ABHD12: variants seen among roughly 807,000 people sequenced by gnomAD.
ABHD12 encodes the protein lysophosphatidylserine lipase ABHD12.
A neutral mutation model predicts 58.3 loss-of-function variants in ABHD12; 43 were observed. The ratio of observed to expected loss-of-function variants is 0.74; its 90% CI spans 0.58 to 0.95. The LOEUF is 0.95. Among genes scored for constraint, ABHD12 ranks in the 40% least tolerant of loss-of-function variants. The probability of loss-of-function intolerance (pLI) is 0.00; values close to 1 mark genes in which losing one functional copy is unlikely to be tolerated. For synonymous variants in ABHD12, 219 were observed against 211.2 expected (o/e 1.04, Z -0.32); for missense variants, 539 against 537.2 (o/e 1.00, Z -0.03).
rs1301387770 is a variant in ABHD12 at position 25,385,361 on chromosome 20, A to AAACGGAG, written c.191+5145_191+5151dup. On this transcript the variant is annotated intron_variant, in intron 1 of 12. Transcript: ENST00000339157. Reference sequence around the variant, plus strand: ...AAAAAAAAAAAAAAAAAAAAGAGGAAAACGGAGGAAAAACCCTAATTACAA... The same window carrying AAACGGAG: ...AAAAAAAAAAAAAAAAAAAAGAGGAAAACGGAGAACGGAGGAAAAACCCTAATTACAA... Among the ~76,000 whole-genome samples, 11 of 151,686 alleles carry AAACGGAG rather than the reference A, an allele frequency of 7.3e-5. No homozygotes were observed. In the East Asian group the frequency reaches 2.1e-3, roughly 29 times the overall value.
intron 10 of ABHD12, among the ~76,000 whole-genome samples, chr20:25,305,870 A>AT (rs1217395647): frequency 6.6e-6 from 1 of 152,194 alleles, no homozygotes; most frequent in Non-Finnish European, 1.5e-5. Context: ...TCATTTTCTG[A>AT]TTAAGTCAGT....
chr20:25,323,478 C>T, intron 2 of ABHD12, 48 bp from the exon 3 acceptor site: 1 of 1,114,442 alleles, frequency 9.0e-7, no homozygotes. Context: ...TGGATGAATA[C>T]ACACATGTAC....
chr20:25,359,610 C>T (rs575420568), intron 1 of ABHD12, among the ~76,000 whole-genome samples: 1 of 152,034 alleles, frequency 6.6e-6, no homozygotes, highest in East Asian at 1.9e-4. Flanking sequence ...TGCTCTGTCG[C>T]CCAGACTGGA....
intron 5 of ABHD12, among the ~76,000 whole-genome samples, chr20:25,316,487 G>C (rs1306202110): frequency 2.6e-5 from 4 of 152,126 alleles, no homozygotes; most frequent in South Asian, 2.1e-4. Flanking sequence ...CACAAGTAAC[G>C]TAACATTGAA....
intron 2 of ABHD12, 136 bp from the exon 3 acceptor site, chr20:25,323,566 C>T (rs754765628): frequency 1.4e-6 from 1 of 704,894 alleles, no homozygotes; most frequent in Non-Finnish European, 2.6e-6. Context: ...CCCACATGCA[C>T]ACACTGCAGA....
At chr20:25,352,879 T>C (rs982342784) in intron 1 of ABHD12, among the ~76,000 whole-genome samples, 52 of 152,090 alleles carry the variant, frequency 3.4e-4, no homozygotes, top group Non-Finnish European at 2.5e-4. Flanking sequence ...CCAGGTGTCT[T>C]AATTTAAAAA....
rs1042844421 is a variant in ABHD12, at chr20:25,390,530, C to T, written c.174G>A (p.Met58Ile). 1 of 1,449,694 alleles carries T rather than the reference C, an allele frequency of 6.9e-7. No individual in the cohort carries two copies. The highest frequency in any genetic ancestry group is 9.1e-7 in the Non-Finnish European group (1 of 1,103,868). The allele number at this position is 1,449,694 out of a possible 1,614,324, so 89.8% of individuals were successfully genotyped here. A position where few individuals can be genotyped will look rare whatever the true frequency, so the allele number is the denominator to read the frequency against. ...AEPRCAADAG[M>I]KRALGRRKGV... ...AGCCTCACCTGCCCAGCGCCCGCTT[C>T]ATTCCCGCGTCGGCTGCGCAGCGCG... is the stretch of plus-strand genomic sequence containing the variant. Residue 58 changes from methionine to isoleucine, a missense_variant, in exon 1 of 13, where the codon ATG becomes ATA. Transcript: ENST00000339157.
rs145111257 is a variant in ABHD12, at chr20:25,365,161, T to C, written c.191+25352A>G. Among the ~76,000 whole-genome samples, 264 of 152,378 alleles carry C rather than the reference T, an allele frequency of 1.7e-3. 3 individuals are homozygous for C. Among genetic ancestry groups the C allele is most frequent in the African/African-American group, 5.8e-3 (243 of 41,594 alleles). ...CTCATTTTTGTTTCTAGCTTAACAA[T>C]AGCTTTTTTGAAAAAGGTCATATGT... On this transcript the variant is annotated intron_variant, in intron 1 of 12. Coordinates refer to ENST00000339157, the MANE Select transcript of ABHD12 (RefSeq NM_001042472.3).
intron 6 of ABHD12, among the ~76,000 whole-genome samples, chr20:25,310,969 A>G (rs1016859886): frequency 6.6e-6 from 1 of 152,198 alleles, no homozygotes; most frequent in African/African-American, 2.4e-5. Flanking sequence ...TCCCTCTCCT[A>G]AGGTCTCTAG....
intron 1 of ABHD12, among the ~76,000 whole-genome samples, chr20:25,356,330 G>T (rs1185940865): frequency 6.6e-6 from 1 of 152,232 alleles, no homozygotes; most frequent in Admixed American, 6.5e-5. Flanking sequence ...CCTGCAAGAG[G>T]CTTTTCTATC....
intron 9 of ABHD12, among the ~76,000 whole-genome samples, chr20:25,307,396 A>C (rs548608844): frequency 6.6e-6 from 1 of 152,362 alleles, no homozygotes; most frequent in South Asian, 2.1e-4. Flanking sequence ...AGGCCCGAGA[A>C]TCCATGGCCA....
At chr20:25,344,003 G>A (rs2089487336) in intron 1 of ABHD12, among the ~76,000 whole-genome samples, 1 of 151,890 alleles carries the variant, frequency 6.6e-6, no homozygotes, top group South Asian at 2.1e-4. Context: ...ACATCAACAG[G>A]CTAAAAAAGA....
intron 1 of ABHD12, chr20:25,390,100 G>A: frequency 6.3e-6 from 1 of 158,854 alleles, no homozygotes; most frequent in Non-Finnish European, 1.4e-5. Flanking sequence ...TCCCGCCTCT[G>A]CTGTGCCTGG....
At chr20:25,390,474 C>CGGG in intron 1 of ABHD12, 39 bp downstream of exon 1, 3 of 1,079,070 alleles carry the variant, frequency 2.8e-6, no homozygotes, top group Non-Finnish European at 3.4e-6. Context: ...AAGTGAGGGA[C>CGGG]CGGCCCCCCC....
intron 1 of ABHD12, among the ~76,000 whole-genome samples, chr20:25,352,703 T>C (rs2089617543): frequency 6.6e-6 from 1 of 152,204 alleles, no homozygotes; most frequent in African/African-American, 2.4e-5. Flanking sequence ...CTATTTATTG[T>C]ACATATCTAT....
intron 1 of ABHD12, among the ~76,000 whole-genome samples, chr20:25,356,325 A>C (rs1239313714): frequency 3.9e-5 from 6 of 152,250 alleles, no homozygotes; most frequent in African/African-American, 1.2e-4. Context: ...CAGTGCCTGC[A>C]AGAGGCTTTT....
chr20:25,383,496 A>G (rs1049897901), intron 1 of ABHD12, among the ~76,000 whole-genome samples: 1 of 152,144 alleles, frequency 6.6e-6, no homozygotes, highest in Non-Finnish European at 1.5e-5. Flanking sequence ...CACATTCCCA[A>G]CAATTCCAGG....
chr20:25,330,961 G>A lies in ABHD12; in HGVS notation c.317-7531C>T, dbSNP rs367921996. On this transcript the variant is annotated intron_variant, in intron 2 of 12. Transcript: ENST00000339157. ...CACCAGCAACGGAACAAAGCTGGACGGAGAATGACTTTGACTAGCTGAGAG... is the reference window on the plus strand; with the variant it reads ...CACCAGCAACGGAACAAAGCTGGACAGAGAATGACTTTGACTAGCTGAGAG... Among the ~76,000 whole-genome samples, 92 of 152,352 alleles carry A rather than the reference G, an allele frequency of 6.0e-4. 1 individual carries two copies. The East Asian group carries it at 0.013, about 21-fold the overall frequency.
chr20:25,368,413 A>C, intron 1 of ABHD12: 1 of 1,597,814 alleles, frequency 6.3e-7, no homozygotes, highest in Non-Finnish European at 8.6e-7. Flanking sequence ...CCAACCACTC[A>C]GTCTTGGCAG....
Sources: allele counts gnomAD v4.1 joint callset (sites outside exome capture counted in the v4.1 genomes callset), GRCh38; gene constraint gnomAD v4.1.1; transcripts MANE v1.5; gene names NCBI Gene and HGNC (gene_info 2026-07-23, HGNC 2026-07-21).